Variants in HECW1 observed in about 807,000 individuals in gnomAD.
HECW1 encodes the protein HECT, C2 and WW domain containing E3 ubiquitin protein ligase 1.
HECW1 carries 61 observed loss-of-function variants against 182.3 expected under a neutral mutation model. The ratio of observed to expected loss-of-function variants is 0.33; its 90% CI spans 0.27 to 0.41. HECW1 has a LOEUF of 0.41. Among genes scored for constraint, HECW1 ranks in the 10% least tolerant of loss-of-function variants. The pLI is 1.00. For synonymous variants in HECW1, 859 were observed against 832.6 expected, an observed-to-expected ratio of 1.03 and a Z score of -0.55; for missense variants, 1,739 against 2,108.9, an observed-to-expected ratio of 0.82 and a Z score of 3.44.
At chr7:43,194,974 A>G (rs192054797) in intron 2 of HECW1, among the ~76,000 whole-genome samples, 185 of 152,244 alleles carry the variant, frequency 1.2e-3, no homozygotes, top group African/African-American at 4.1e-3. Context: ...GATTACAGGC[A>G]TGAGCGCCCG....
chr7:43,185,347 T>C (rs1358274315), intron 2 of HECW1, among the ~76,000 whole-genome samples: 1 of 152,232 alleles, frequency 6.6e-6, no homozygotes, highest in Non-Finnish European at 1.5e-5. Flanking sequence ...GTAAAGTGTT[T>C]CACTGAGTTC....
At chr7:43,450,706 A>G (rs1018714942) in intron 11 of HECW1, 122 bp from the exon 12 acceptor site, 2 of 663,710 alleles carry the variant, frequency 3.0e-6, no homozygotes, top group African/African-American at 3.6e-5. Flanking sequence ...ACACACACAC[A>G]CAAATGGATT....
intron 2 of HECW1, among the ~76,000 whole-genome samples, chr7:43,152,050 A>C (rs943650413): frequency 6.6e-6 from 1 of 152,222 alleles, no homozygotes; most frequent in African/African-American, 2.4e-5. Context: ...CATTTACCAC[A>C]CTAATTGCCT....
chr7:43,230,709 T>C (rs1797804848), intron 2 of HECW1, among the ~76,000 whole-genome samples: 1 of 152,208 alleles, frequency 6.6e-6, no homozygotes, highest in African/African-American at 2.4e-5. Flanking sequence ...ATGACACATA[T>C]GTATGTATAA....
At chr7:43,286,937 A>G (rs1200045670) in intron 3 of HECW1, among the ~76,000 whole-genome samples, 1 of 152,178 alleles carries the variant, frequency 6.6e-6, no homozygotes, top group African/African-American at 2.4e-5. Flanking sequence ...AATGATAGCA[A>G]TGACATTCTC....
chr7:43,345,306 G>A (rs547133429), intron 5 of HECW1, among the ~76,000 whole-genome samples: 6 of 152,296 alleles, frequency 3.9e-5, no homozygotes, highest in Admixed American at 1.3e-4. Flanking sequence ...CTAAAGCAGG[G>A]ACATGGAGGC....
At chr7:43,525,103 C>G (rs981704355) in intron 24 of HECW1, among the ~76,000 whole-genome samples, 1 of 152,132 alleles carries the variant, frequency 6.6e-6, no homozygotes, top group East Asian at 1.9e-4. Flanking sequence ...AAATGAACAT[C>G]GATGCTGCCT....
chr7:43,284,634 A>G (rs1804386673), intron 3 of HECW1, among the ~76,000 whole-genome samples: 1 of 152,094 alleles, frequency 6.6e-6, no homozygotes, highest in East Asian at 1.9e-4. Context: ...ACAATAGATC[A>G]CTTGAACTTA....
intron 2 of HECW1, among the ~76,000 whole-genome samples, chr7:43,124,271 C>T (rs1039694697): frequency 5.3e-5 from 8 of 152,184 alleles, no homozygotes; most frequent in Non-Finnish European, 1.0e-4. Flanking sequence ...TTACATTTAG[C>T]ACATGTTGGT....
intron 26 of HECW1, among the ~76,000 whole-genome samples, chr7:43,545,801 T>G (rs1585255574): frequency 1.3e-5 from 2 of 150,274 alleles, no homozygotes; most frequent in Non-Finnish European, 1.5e-5. Flanking sequence ...GAAAGGAAGG[T>G]TTGGTCTTGT....
rs149277749 is a variant in HECW1 at position 43,249,785 on chromosome 7, C to T, written c.27+5853C>T. ...TTTATATGCAGCCACAGATGCCTCTCTTGCTTGGTAGTGCTAGATTTAGAG... is the reference window on the plus strand; with the variant it reads ...TTTATATGCAGCCACAGATGCCTCTTTTGCTTGGTAGTGCTAGATTTAGAG... On this transcript the variant is annotated intron_variant, in intron 3 of 29. Transcript: ENST00000395891. 3.7e-3 allele frequency among the ~76,000 whole-genome samples: 560 copies of T among 152,296 alleles called. 3 individuals carry two copies. The highest frequency in any genetic ancestry group is 0.013 in the African/African-American group (522 of 41,546).
chr7:43,523,042 C>G (rs1033922344), intron 24 of HECW1: 1 of 446,748 alleles, frequency 2.2e-6, no homozygotes, highest in Admixed American at 2.4e-5. Context: ...TCGCTCTTGT[C>G]CCCCAGGCTA....
At chr7:43,468,857 G>A in intron 15 of HECW1, 63 bp from the exon 16 acceptor site, 1 of 1,459,364 alleles carries the variant, frequency 6.9e-7, no homozygotes. Flanking sequence ...TGCTCATAGT[G>A]TGCTTGCTCT....
intron 22 of HECW1, among the ~76,000 whole-genome samples, chr7:43,507,747 T>G (rs1283093750): frequency 3.9e-5 from 6 of 152,212 alleles, no homozygotes; most frequent in African/African-American, 1.4e-4. Flanking sequence ...TTAAGCAATA[T>G]CCTATGAGTT....
At chr7:43,202,415 T>G (rs1795088450) in intron 2 of HECW1, among the ~76,000 whole-genome samples, 1 of 152,026 alleles carries the variant, frequency 6.6e-6, no homozygotes, top group African/African-American at 2.4e-5. Flanking sequence ...CCATATTCTT[T>G]TTTACATTCA....
chr7:43,363,558 G>A (rs996422046), intron 6 of HECW1, among the ~76,000 whole-genome samples: 6 of 152,150 alleles, frequency 3.9e-5, no homozygotes, highest in East Asian at 1.9e-4. Context: ...GTGAGAGCTC[G>A]ATCGCATAGC....
At chr7:43,383,754 C>T (rs1346609448) in intron 6 of HECW1, among the ~76,000 whole-genome samples, 1 of 152,158 alleles carries the variant, frequency 6.6e-6, no homozygotes, top group Non-Finnish European at 1.5e-5. Context: ...TGCAGTCAAA[C>T]ATTTGTGTAT....
chr7:43,519,308 C>T (rs544007997), intron 24 of HECW1, among the ~76,000 whole-genome samples: 83 of 151,982 alleles, frequency 5.5e-4, no homozygotes, highest in Non-Finnish European at 1.1e-3. Context: ...TGCAATGGCA[C>T]GATCTTGGCT....
At chr7:43,117,512 A>G (rs1035477318) in intron 2 of HECW1, among the ~76,000 whole-genome samples, 5 of 128,392 alleles carry the variant, frequency 3.9e-5, no homozygotes, top group African/African-American at 1.6e-4. Flanking sequence ...TTTATTCATT[A>G]CCATTGCTTT....
Sources: gnomAD v4.1 joint callset for allele counts (sites outside exome capture counted in the v4.1 genomes callset) on GRCh38, gnomAD v4.1.1 for gene constraint, MANE v1.5 for transcripts, NCBI Gene and HGNC (gene_info 2026-07-23, HGNC 2026-07-21) for gene names.